PRKAR1B: variants seen among roughly 807,000 people sequenced by gnomAD.
PRKAR1B encodes the protein protein kinase cAMP-dependent type I regulatory subunit beta, also known as cAMP-dependent protein kinase type I-beta regulatory subunit.
PRKAR1B carries 22 observed loss-of-function variants against 46.5 expected under a neutral mutation model. The observed-to-expected ratio is 0.47, with a 90% CI of 0.34 to 0.68. The LOEUF (loss-of-function observed/expected upper bound fraction) is 0.68. Among genes scored for constraint, PRKAR1B ranks in the 30% least tolerant of loss-of-function variants. The pLI is 0.01. For synonymous variants in PRKAR1B, 259 were observed against 217.7 expected (o/e 1.19, Z -1.67); for missense variants, 445 against 535.6 (o/e 0.83, Z 1.67).
intron 2 of PRKAR1B, among the ~76,000 whole-genome samples, chr7:698,082 A>AGGG (rs1779867063): frequency 3.2e-5 from 1 of 31,358 alleles, no homozygotes; most frequent in African/African-American, 1.3e-4. Context: ...GGAAGGGAGC[A>AGGG]GAGGGGAGGG....
intron 4 of PRKAR1B, among the ~76,000 whole-genome samples, chr7:623,077 T>C (rs191006722): frequency 6.6e-6 from 1 of 152,198 alleles, no homozygotes; most frequent in Non-Finnish European, 1.5e-5. Context: ...AGGGTTCCCA[T>C]CTGCTGGGAT....
intron 6 of PRKAR1B, among the ~76,000 whole-genome samples, chr7:600,190 A>G (rs1781510609): frequency 6.6e-6 from 1 of 152,258 alleles, no homozygotes; most frequent in African/African-American, 2.4e-5. Flanking sequence ...TAGAATGGTC[A>G]GTGTGGTGTG....
intron 4 of PRKAR1B, among the ~76,000 whole-genome samples, chr7:622,216 G>A (rs1217952335): frequency 6.6e-6 from 1 of 152,214 alleles, no homozygotes; most frequent in African/African-American, 2.4e-5. Context: ...GAAAGGATGG[G>A]CACCCACAGC....
intron 4 of PRKAR1B, chr7:608,612 GGGCTGT>G (rs1782257210): frequency 1.9e-5 from 1 of 53,008 alleles, no homozygotes; most frequent in African/African-American, 5.0e-5. Context: ...GTGTGTGGCA[GGGCTGT>G]AGGGAGGGCT....
At chr7:633,051 C>T (rs541108513) in intron 4 of PRKAR1B, among the ~76,000 whole-genome samples, 15 of 152,242 alleles carry the variant, frequency 9.9e-5, no homozygotes, top group African/African-American at 3.4e-4. Context: ...GTCGTGCCGA[C>T]GCCATGCGTG....
chr7:715,973 C>G (rs191678848), intron 1 of PRKAR1B, among the ~76,000 whole-genome samples: 1,720 of 152,276 alleles, frequency 0.011, 27 homozygotes, highest in Middle Eastern at 0.054. Context: ...CCTTGGCCTC[C>G]CAAAGTGCTG....
Position 666,348 on chromosome 7 carries a change from C to A in PRKAR1B, c.440+10881G>T, listed in dbSNP as rs118125897. On this transcript the variant is annotated intron_variant, in intron 4 of 10. Transcript: ENST00000537384. This position sits in a 1 kb window ranked among gnomAD's most constrained non-coding sequence, Gnocchi z 4.9. Reference sequence around the variant, plus strand: ...ATGGTCCTGGCACATCAGAGAGCTCCGGAGCACGCGGGGCTGCTTCCTGAG... The same window carrying A: ...ATGGTCCTGGCACATCAGAGAGCTCAGGAGCACGCGGGGCTGCTTCCTGAG... Among the ~76,000 whole-genome samples, 1 of 150,656 alleles carries A rather than the reference C, an allele frequency of 6.6e-6. No individual in the cohort carries two copies. The highest frequency in any genetic ancestry group is 1.5e-5 in the Non-Finnish European group (1 of 67,928).
rs142305067 is a variant in PRKAR1B, at chr7:684,875, G to GACACAC, written c.178-4155_178-4150dup. Among the ~76,000 whole-genome samples the GACACAC allele has an allele frequency of 6.7e-3, 972 of 145,496 alleles. 8 individuals are homozygous for GACACAC. Among genetic ancestry groups the GACACAC allele is most frequent in the East Asian group, 0.023 (112 of 4,968 alleles). On this transcript the variant is annotated intron_variant, in intron 2 of 10. Coordinates refer to ENST00000537384, the MANE Select transcript of PRKAR1B (RefSeq NM_001164760.2). Reference sequence around the variant, plus strand: ...ATTTCACCTCCACCCACTTCACACAGACACACACACACACACACACACACA... The same window carrying GACACAC: ...ATTTCACCTCCACCCACTTCACACAGACACACACACACACACACACACACACACACA...
At chr7:653,721 A>C (rs1583361797) in intron 4 of PRKAR1B, among the ~76,000 whole-genome samples, 1 of 152,246 alleles carries the variant, frequency 6.6e-6, no homozygotes, top group East Asian at 1.9e-4. Context: ...TGGAGAATCA[A>C]CTCCAACATC....
chr7:576,789 T>G (rs990887185), intron 9 of PRKAR1B, among the ~76,000 whole-genome samples: 3 of 151,956 alleles, frequency 2.0e-5, no homozygotes, highest in African/African-American at 7.3e-5. Context: ...GCACCGGGAA[T>G]GAGGGGCGGG....
At chr7:695,704 C>T (rs1779697665) in intron 2 of PRKAR1B, among the ~76,000 whole-genome samples, 1 of 152,038 alleles carries the variant, frequency 6.6e-6, no homozygotes, top group South Asian at 2.1e-4. Flanking sequence ...CGCTCTGTCG[C>T]CCAGGCTGGA....
chr7:692,234 T>C (rs1779470595), intron 2 of PRKAR1B, among the ~76,000 whole-genome samples: 1 of 152,200 alleles, frequency 6.6e-6, no homozygotes, highest in Non-Finnish European at 1.5e-5. Context: ...ACCCCATCTC[T>C]ACTAAAAATA....
chr7:583,349 A>ACT (rs1780315172), intron 8 of PRKAR1B, among the ~76,000 whole-genome samples: 1 of 149,030 alleles, frequency 6.7e-6, no homozygotes. Flanking sequence ...ACACACGTGC[A>ACT]CACACACAGG....
chr7:576,308 G>A (rs562406407), intron 9 of PRKAR1B, among the ~76,000 whole-genome samples: 9 of 152,174 alleles, frequency 5.9e-5, no homozygotes, highest in African/African-American at 1.9e-4. Context: ...CTCCTTCAAC[G>A]CTGGCCAGAA....
chr7:664,080 G>A (rs924034932), intron 4 of PRKAR1B, among the ~76,000 whole-genome samples: 6 of 152,224 alleles, frequency 3.9e-5, no homozygotes, highest in Admixed American at 1.3e-4. Flanking sequence ...CCAGCTCGAC[G>A]GTTACATTCC....
chr7:639,265 C>T (rs942965381), intron 4 of PRKAR1B, among the ~76,000 whole-genome samples: 3 of 152,096 alleles, frequency 2.0e-5, no homozygotes, highest in African/African-American at 7.2e-5. Context: ...TACTGAGAGG[C>T]CAGAAATCCA....
chr7:572,870 G>A (rs986685626), intron 9 of PRKAR1B, among the ~76,000 whole-genome samples: 40 of 152,248 alleles, frequency 2.6e-4, no homozygotes, highest in Admixed American at 2.6e-3. Flanking sequence ...AGAAACTGCT[G>A]GAGGAAGAAT....
intron 4 of PRKAR1B, among the ~76,000 whole-genome samples, chr7:643,334 G>A (rs904298034): frequency 3.3e-5 from 5 of 151,464 alleles, no homozygotes; most frequent in African/African-American, 7.4e-5. Flanking sequence ...CGCGAGGCAC[G>A]GGGAATCCCT....
At chr7:620,442 A>T (rs539675192) in intron 4 of PRKAR1B, among the ~76,000 whole-genome samples, 2 of 151,316 alleles carry the variant, frequency 1.3e-5, no homozygotes, top group East Asian at 2.0e-4. Context: ...TTCTCCAGTT[A>T]CTCCTCATCT....
Sources: gnomAD v4.1 joint callset for allele counts (sites outside exome capture counted in the v4.1 genomes callset) on GRCh38, gnomAD v4.1.1 for gene constraint, Gnocchi (gnomAD v3.1) non-coding constraint, MANE v1.5 for transcripts, NCBI Gene and HGNC (gene_info 2026-07-23, HGNC 2026-07-21) for gene names.